Variants in SP4 observed in about 807,000 individuals in gnomAD.
The protein encoded by SP4 is transcription factor Sp4.
A neutral mutation model predicts 72.8 loss-of-function variants in SP4; 19 were observed. That is an observed-to-expected ratio of 0.26 (90% CI 0.18 to 0.38). The LOEUF (loss-of-function observed/expected upper bound fraction) is 0.38. Among genes scored for constraint, SP4 ranks in the 10% least tolerant of loss-of-function variants. The pLI, the probability that SP4 is intolerant of heterozygous loss-of-function variation, is 1.00. For missense variants in SP4, 1,008 were observed against 926.3 expected (o/e 1.09, Z -1.14); for synonymous variants, 395 against 333.1 (o/e 1.19, Z -2.02).
At chr7:21,487,650 T>G (rs931982345) in intron 5 of SP4, among the ~76,000 whole-genome samples, 12 of 152,064 alleles carry the variant, frequency 7.9e-5, no homozygotes, top group African/African-American at 2.7e-4. Context: ...TAGAATTTTA[T>G]GTTTCCTCCA....
intron 3 of SP4, among the ~76,000 whole-genome samples, chr7:21,470,118 A>G (rs774848278): frequency 6.6e-6 from 1 of 152,226 alleles, no homozygotes; most frequent in African/African-American, 2.4e-5. Context: ...ATTGTAAACT[A>G]GCTGTCATTT....
intron 3 of SP4, among the ~76,000 whole-genome samples, chr7:21,453,257 TC>T (rs1392045490): frequency 6.6e-6 from 1 of 152,216 alleles, no homozygotes; most frequent in Admixed American, 6.5e-5. Flanking sequence ...TTCATGAGAG[TC>T]CTGAAAGGTT....
chr7:21,444,834 G>T (rs562066210), intron 3 of SP4, among the ~76,000 whole-genome samples: 60 of 152,256 alleles, frequency 3.9e-4, no homozygotes, highest in Non-Finnish European at 7.9e-4. Context: ...ACAAGTCCGG[G>T]TGAATAGGAC....
chr7:21,432,835 A>T (rs375237206), intron 3 of SP4, among the ~76,000 whole-genome samples: 1 of 152,126 alleles, frequency 6.6e-6, no homozygotes, highest in Admixed American at 6.5e-5. Context: ...CTCTACAAAA[A>T]ATTTAAAAAA....
chr7:21,452,442 T>C (rs1392246943), intron 3 of SP4, among the ~76,000 whole-genome samples: 1 of 152,206 alleles, frequency 6.6e-6, no homozygotes, highest in Non-Finnish European at 1.5e-5. Context: ...TTGGGGCTCC[T>C]GGGCCTGTCA....
chr7:21,458,899 A>G (rs879444487), intron 3 of SP4, among the ~76,000 whole-genome samples: 2 of 152,180 alleles, frequency 1.3e-5, no homozygotes. Context: ...GATGCAGCTT[A>G]AAATAGCCAT....
At chr7:21,442,168 A>G (rs962038985) in intron 3 of SP4, among the ~76,000 whole-genome samples, 8 of 151,028 alleles carry the variant, frequency 5.3e-5, no homozygotes, top group Non-Finnish European at 8.8e-5. Context: ...CCTCCCAAGT[A>G]GCTGAGATTA....
intron 5 of SP4, among the ~76,000 whole-genome samples, chr7:21,490,932 A>G (rs921906701): frequency 2.6e-5 from 4 of 152,228 alleles, no homozygotes; most frequent in Non-Finnish European, 4.4e-5. Context: ...GTGCCTGCTA[A>G]AACAAAAACA....
chr7:21,504,767 C>G (rs1262149614), intron 5 of SP4, among the ~76,000 whole-genome samples: 1 of 152,122 alleles, frequency 6.6e-6, no homozygotes, highest in East Asian at 1.9e-4. Flanking sequence ...TAATATATTC[C>G]TGACCTGGTG....
At chr7:21,431,896 G>T (rs961265781) in intron 3 of SP4, among the ~76,000 whole-genome samples, 2 of 152,100 alleles carry the variant, frequency 1.3e-5, no homozygotes, top group African/African-American at 4.8e-5. Context: ...GAAAAATTAC[G>T]CTAGGGTTCT....
chr7:21,487,810 AT>A (rs1784862681), intron 5 of SP4, among the ~76,000 whole-genome samples: 1 of 150,326 alleles, frequency 6.7e-6, no homozygotes, highest in Admixed American at 6.6e-5. Flanking sequence ...CATGGTGGTG[AT>A]TTGATGAAAT....
At chr7:21,493,078 T>A (rs1785021064) in intron 5 of SP4, among the ~76,000 whole-genome samples, 1 of 152,082 alleles carries the variant, frequency 6.6e-6, no homozygotes, top group Admixed American at 6.6e-5. Flanking sequence ...CATGTGCCTG[T>A]AGTTCCAGCT....
intron 5 of SP4, among the ~76,000 whole-genome samples, chr7:21,494,982 T>G (rs6955626): frequency 0.15 from 22,322 of 152,060 alleles, 1,969 homozygotes; most frequent in Middle Eastern, 0.36. Context: ...CAAAAACAGT[T>G]CAGTAAAGAA....
intron 2 of SP4, 37 bp from the exon 3 acceptor site, chr7:21,429,249 TTTC>T (rs1321902377): frequency 5.1e-6 from 6 of 1,176,464 alleles, no homozygotes; most frequent in African/African-American, 2.4e-5. Context: ...GCCCACTTTT[TTTC>T]CCCCCCCCCT....
At position 21,430,638 on chromosome 7, in the gene SP4, CCAA is replaced by C. The variant is rs771265490; in HGVS notation, c.1477_1479del (p.Gln493del). The stretch of plus-strand genomic sequence containing the variant: ...TGCAAGTTCAGAATGCTGGGTTATC[CCAA>C]CAATTAACCATCACCCCAGTGTCTT... On this transcript the variant is annotated inframe_deletion, in exon 3 of 6. Transcript: ENST00000222584. 6 of 1,614,148 alleles carry C rather than the reference CCAA, an allele frequency of 3.7e-6. No homozygotes were observed. In the South Asian group the frequency reaches 6.6e-5, roughly 18 times the overall value.
At position 21,430,834 on chromosome 7, in the gene SP4, A is replaced by G. The variant is rs770377098; in HGVS notation, c.1669A>G (p.Ser557Gly). Reference sequence around the variant, plus strand: ...GCAGGGAGTTCCCGTTACAATCACTAGTGTTGCAGGTAAGTTCTGACATCT... The same window carrying G: ...GCAGGGAGTTCCCGTTACAATCACTGGTGTTGCAGGTAAGTTCTGACATCT... ...QVQGVPVTIT[S>G]VAGQQQGQDG... The change falls in exon 3 of 6, where the codon AGT becomes GGT. Residue 557 changes from serine (S) to glycine (G), a missense_variant. By Grantham distance (56) the Ser-to-Gly change is moderately conservative. Coordinates refer to ENST00000222584, the MANE Select transcript of SP4 (RefSeq NM_003112.5). 6.2e-7 allele frequency: 1 copy of G among 1,608,660 alleles called. No individual in the cohort carries two copies. Among genetic ancestry groups the G allele is most frequent in the South Asian group, 1.1e-5 (1 of 90,790 alleles).
intron 3 of SP4, among the ~76,000 whole-genome samples, chr7:21,464,347 C>G (rs931233665): frequency 6.6e-6 from 1 of 152,140 alleles, no homozygotes; most frequent in East Asian, 1.9e-4. Context: ...CCGCCCACCT[C>G]GGCCTCCCAA....
Position 21,430,060 on chromosome 7 carries a change from CAATT to C in SP4, c.897_900del (p.Leu300PhefsTer32). On this transcript the variant is annotated frameshift_variant, in exon 3 of 6. Transcript: ENST00000222584. LOFTEE classifies it high-confidence loss of function. ...TGATAGTGGGACTTCCAATGGGAATCAATTAGTTTCCACACCCACCAACACCACT... is the reference window on the plus strand; with the variant it reads ...TGATAGTGGGACTTCCAATGGGAATCAGTTTCCACACCCACCAACACCACT... The C allele has an allele frequency of 6.2e-7, 1 of 1,614,168 alleles. No individual in the cohort carries two copies. The highest frequency in any genetic ancestry group is 8.5e-7 in the Non-Finnish European group (1 of 1,180,032).
chr7:21,514,678 G>C lies in SP4; in HGVS notation c.*3409G>C, dbSNP rs1291659941. The C allele has an allele frequency of 6.6e-6, 1 of 152,082 alleles. No individual in the cohort carries two copies. The highest frequency in any genetic ancestry group is 1.5e-5 in the Non-Finnish European group (1 of 68,030). 9.4% of individuals were successfully genotyped at this position (152,082 alleles called of 1,614,324 possible). A position where few individuals can be genotyped will look rare whatever the true frequency, so the allele number is the denominator to read the frequency against. ...CTGATTTGTATAAAATTTGTTTTTT[G>C]TGGATTTGGAAATAAAATCATGTAC... On this transcript the variant is annotated 3_prime_UTR_variant, in exon 6 of 6. Transcript: ENST00000222584.
Sources: allele counts gnomAD v4.1 joint callset (sites outside exome capture counted in the v4.1 genomes callset), GRCh38; gene constraint gnomAD v4.1.1; transcripts MANE v1.5; gene names NCBI Gene and HGNC (gene_info 2026-07-23, HGNC 2026-07-21).